Variants in ZNF704 observed in about 807,000 individuals in gnomAD.
ZNF704 encodes zinc finger protein 704.
Under a neutral mutation model 44.7 loss-of-function variants are expected in ZNF704, and 10 were observed. The observed-to-expected ratio is 0.22, with a 90% confidence interval of 0.14 to 0.38. ZNF704 has a LOEUF of 0.38. Among genes scored for constraint, ZNF704 ranks in the 10% least tolerant of loss-of-function variants. The pLI is 1.00. For synonymous variants in ZNF704, 211 were observed against 207.6 expected, an observed-to-expected ratio of 1.02 and a Z score of -0.14; for missense variants, 390 against 545.5, an observed-to-expected ratio of 0.71 and a Z score of 2.84.
chr8:80,679,225 G>C (rs776961812), intron 4 of ZNF704, among the ~76,000 whole-genome samples: 1 of 152,074 alleles, frequency 6.6e-6, no homozygotes, highest in Non-Finnish European at 1.5e-5. Flanking sequence ...TCTCTACATA[G>C]GCCAAAGACA....
chr8:80,653,125 A>T (rs1287110360), intron 7 of ZNF704, among the ~76,000 whole-genome samples: 1 of 152,254 alleles, frequency 6.6e-6, no homozygotes, highest in Non-Finnish European at 1.5e-5. Context: ...ACAACCCTTC[A>T]TGCTAAAAAC....
intron 1 of ZNF704, among the ~76,000 whole-genome samples, chr8:80,832,457 G>GC (rs1268939180): frequency 5.3e-5 from 8 of 152,044 alleles, no homozygotes; most frequent in Non-Finnish European, 8.8e-5. Context: ...TACACTCTGG[G>GC]CCACCTTAAT....
At chr8:80,813,401 C>T (rs1475332370) in intron 2 of ZNF704, among the ~76,000 whole-genome samples, 5 of 152,134 alleles carry the variant, frequency 3.3e-5, no homozygotes, top group African/African-American at 4.8e-5. Context: ...TAATCTAGCA[C>T]TAATGTGTGC....
At chr8:80,832,143 G>A (rs960449214) in intron 1 of ZNF704, among the ~76,000 whole-genome samples, 1 of 152,028 alleles carries the variant, frequency 6.6e-6, no homozygotes, top group Admixed American at 6.5e-5. Context: ...TCATTCCAAT[G>A]AACAGCTTTT....
At chr8:80,649,152 G>T (rs1485059743) in intron 7 of ZNF704, among the ~76,000 whole-genome samples, 2 of 152,132 alleles carry the variant, frequency 1.3e-5, no homozygotes, top group Non-Finnish European at 2.9e-5. Context: ...TAGTTTGTTG[G>T]TTAGGTGTGA....
intron 6 of ZNF704, among the ~76,000 whole-genome samples, chr8:80,661,807 T>C (rs930775996): frequency 3.9e-5 from 6 of 151,914 alleles, no homozygotes; most frequent in African/African-American, 1.5e-4. Flanking sequence ...TGGGACAAGG[T>C]AGGGAGAGAT....
chr8:80,710,879 G>T (rs1010992948), intron 2 of ZNF704, among the ~76,000 whole-genome samples: 1 of 152,158 alleles, frequency 6.6e-6, no homozygotes, highest in Non-Finnish European at 1.5e-5. Flanking sequence ...CTTGCAATCA[G>T]CTTTCTTAGG....
At chr8:80,856,425 A>C (rs2036166946) in intron 1 of ZNF704, among the ~76,000 whole-genome samples, 1 of 152,214 alleles carries the variant, frequency 6.6e-6, no homozygotes, top group African/African-American at 2.4e-5. Context: ...TAATTTTATT[A>C]AATTAATCCT....
chr8:80,660,197 G>T (rs149590787), intron 6 of ZNF704, among the ~76,000 whole-genome samples: 1 of 152,252 alleles, frequency 6.6e-6, no homozygotes, highest in African/African-American at 2.4e-5. Context: ...TTGGGGCTGG[G>T]CGTGGTGGCT....
Position 80,630,164 on chromosome 8 carries a change from CT to C in ZNF704, c.*11201del, listed in dbSNP as rs1226477190. On this transcript the variant is annotated 3_prime_UTR_variant, in exon 9 of 9. Transcript: ENST00000327835. ...ACTTGGATTCGATACAAAATACATG[CT>C]ACTCTTTGAAAATGCATAGTTTATA... 1 of 152,174 alleles carries C rather than the reference CT, an allele frequency of 6.6e-6. No individual in the cohort carries two copies. Among genetic ancestry groups the C allele is most frequent in the African/African-American group, 2.4e-5 (1 of 41,444 alleles). The allele number at this position is 152,174 out of a possible 1,614,324, so 9.4% of individuals were successfully genotyped here. A position where few individuals can be genotyped will look rare whatever the true frequency, so the allele number is the denominator to read the frequency against.
At chr8:80,688,350 C>T (rs1818576246) in intron 3 of ZNF704, among the ~76,000 whole-genome samples, 1 of 152,216 alleles carries the variant, frequency 6.6e-6, no homozygotes. Flanking sequence ...CTGCTTATTA[C>T]AACAAATAGT....
intron 2 of ZNF704, among the ~76,000 whole-genome samples, chr8:80,786,927 A>G (rs1290025548): frequency 6.6e-6 from 1 of 152,230 alleles, no homozygotes; most frequent in Non-Finnish European, 1.5e-5. Context: ...AAGACTCCTG[A>G]TTATTATACA....
chr8:80,784,059 C>T (rs1183538692), intron 2 of ZNF704, among the ~76,000 whole-genome samples: 1 of 152,058 alleles, frequency 6.6e-6, no homozygotes, highest in Non-Finnish European at 1.5e-5. Flanking sequence ...TTTTGCTGAG[C>T]ACCCTCTGTC....
At chr8:80,793,890 A>G (rs1807755081) in intron 2 of ZNF704, among the ~76,000 whole-genome samples, 1 of 152,170 alleles carries the variant, frequency 6.6e-6, no homozygotes, top group Admixed American at 6.5e-5. Context: ...TGCAATGGCC[A>G]CCTTCTCATT....
intron 7 of ZNF704, among the ~76,000 whole-genome samples, chr8:80,645,382 G>C (rs1317156878): frequency 6.6e-6 from 1 of 152,162 alleles, no homozygotes; most frequent in Non-Finnish European, 1.5e-5. Flanking sequence ...CTTTTCTCTA[G>C]TACAGGTATT....
chr8:80,761,291 A>C (rs1020863769), intron 2 of ZNF704, among the ~76,000 whole-genome samples: 1 of 152,192 alleles, frequency 6.6e-6, no homozygotes, highest in African/African-American at 2.4e-5. Flanking sequence ...AACTTACCCC[A>C]GTCTCAGCTA....
intron 7 of ZNF704, among the ~76,000 whole-genome samples, chr8:80,657,086 T>C (rs1001944778): frequency 5.9e-5 from 9 of 152,218 alleles, no homozygotes; most frequent in African/African-American, 1.9e-4. Context: ...TCCGTGGGTG[T>C]ACAACAGTCC....
intron 1 of ZNF704, among the ~76,000 whole-genome samples, chr8:80,839,680 G>C (rs1010518724): frequency 2.0e-5 from 3 of 152,212 alleles, no homozygotes; most frequent in African/African-American, 7.2e-5. Flanking sequence ...GCTTTCATAA[G>C]AAGGGAGATG....
At chr8:80,737,412 A>T (rs1013093876) in intron 2 of ZNF704, among the ~76,000 whole-genome samples, 6 of 152,166 alleles carry the variant, frequency 3.9e-5, no homozygotes, top group African/African-American at 1.4e-4. Flanking sequence ...TTGGTAGGGG[A>T]ACCTAGTCCC....
Sources: allele counts gnomAD v4.1 joint callset (sites outside exome capture counted in the v4.1 genomes callset), GRCh38; gene constraint gnomAD v4.1.1; transcripts MANE v1.5; gene names NCBI Gene and HGNC (gene_info 2026-07-23, HGNC 2026-07-21).